Variants in FAT3 observed in about 807,000 individuals in gnomAD.
FAT3 encodes the protein protocadherin Fat 3.
A neutral mutation model predicts 310.2 loss-of-function variants in FAT3; 95 were observed. That is an observed-to-expected ratio of 0.31 (90% CI 0.26 to 0.36). FAT3 has a LOEUF of 0.36. Ranked by LOEUF, FAT3 falls within the 10% of genes least tolerant of loss-of-function variation. The pLI is 1.00. For missense variants in FAT3, 5,408 were observed against 5,715.6 expected (o/e 0.95, Z 1.74); for synonymous variants, 2,314 against 2,192.9 (o/e 1.06, Z -1.54).
At chr11:92,605,637 T>C (rs1940241323) in intron 3 of FAT3, among the ~76,000 whole-genome samples, 1 of 151,456 alleles carries the variant, frequency 6.6e-6, no homozygotes, top group Admixed American at 6.6e-5. Flanking sequence ...ATAATAATAG[T>C]TAAAATCACT....
At chr11:92,323,827 T>A (rs1947692841) in intron 1 of FAT3, among the ~76,000 whole-genome samples, 2 of 152,236 alleles carry the variant, frequency 1.3e-5, no homozygotes, top group South Asian at 4.1e-4. Flanking sequence ...CTTTTGAAGC[T>A]TTGAAGTCTG....
chr11:92,663,544 T>A (rs1241956334), intron 3 of FAT3, among the ~76,000 whole-genome samples: 1 of 152,202 alleles, frequency 6.6e-6, no homozygotes, highest in Non-Finnish European at 1.5e-5. Flanking sequence ...AAATCTTACA[T>A]CTGGCATGTC....
chr11:92,337,961 AT>A (rs955058890), intron 1 of FAT3, among the ~76,000 whole-genome samples: 1 of 151,822 alleles, frequency 6.6e-6, no homozygotes, highest in Non-Finnish European at 1.5e-5. Flanking sequence ...TCTTCTTTAG[AT>A]TTTTTTTTAA....
intron 1 of FAT3, among the ~76,000 whole-genome samples, chr11:92,342,058 C>T (rs192512935): frequency 1.3e-5 from 2 of 152,160 alleles, no homozygotes; most frequent in Admixed American, 1.3e-4. Flanking sequence ...AATAGACAAG[C>T]ACTTACAAAA....
intron 3 of FAT3, among the ~76,000 whole-genome samples, chr11:92,545,789 G>C (rs1244718956): frequency 6.6e-6 from 1 of 152,198 alleles, no homozygotes; most frequent in African/African-American, 2.4e-5. Context: ...ATCTATTTAA[G>C]ACAGCGTTAT....
At chr11:92,265,166 A>G (rs940539177) in intron 1 of FAT3, among the ~76,000 whole-genome samples, 20 of 152,100 alleles carry the variant, frequency 1.3e-4, no homozygotes, top group East Asian at 2.0e-4. Flanking sequence ...AGCTGTAGCC[A>G]GTTCACTTAT....
At chr11:92,631,791 G>A (rs1000311943) in intron 3 of FAT3, among the ~76,000 whole-genome samples, 5 of 152,060 alleles carry the variant, frequency 3.3e-5, no homozygotes, top group African/African-American at 1.2e-4. Context: ...GTAAACCAGA[G>A]ACAAGCAGAA....
At chr11:92,583,024 T>G (rs911771683) in intron 3 of FAT3, among the ~76,000 whole-genome samples, 2 of 152,044 alleles carry the variant, frequency 1.3e-5, no homozygotes, top group African/African-American at 4.8e-5. Flanking sequence ...CCTGTAAATA[T>G]TGGTTTCCTT....
rs559211348 is a variant in FAT3 at position 92,628,986 on chromosome 11, C to T, written c.3608-68398C>T. ...TTTTTGAAGGGAGTAGTGCATTAAGCTTTCTTTTCATAATGTGGTAGAACT... is the reference window on the plus strand; with the variant it reads ...TTTTTGAAGGGAGTAGTGCATTAAGTTTTCTTTTCATAATGTGGTAGAACT... On this transcript the variant is annotated intron_variant, in intron 3 of 27. Transcript: ENST00000525166. 1.2e-4 allele frequency among the ~76,000 whole-genome samples: 19 copies of T among 152,332 alleles called. No homozygotes were observed. The South Asian group carries it at 3.7e-3, about 30-fold the overall frequency.
intron 4 of FAT3, among the ~76,000 whole-genome samples, chr11:92,699,447 A>C (rs1294338717): frequency 6.6e-6 from 1 of 152,232 alleles, no homozygotes; most frequent in Non-Finnish European, 1.5e-5. Context: ...GAATGTATTA[A>C]ATTATCACAT....
At chr11:92,271,189 G>A (rs976045178) in intron 1 of FAT3, among the ~76,000 whole-genome samples, 1 of 152,032 alleles carries the variant, frequency 6.6e-6, no homozygotes, top group African/African-American at 2.4e-5. Context: ...GGCTTCCCAT[G>A]AAGACCAGTG....
At chr11:92,268,664 C>G (rs1396372474) in intron 1 of FAT3, among the ~76,000 whole-genome samples, 1 of 152,078 alleles carries the variant, frequency 6.6e-6, no homozygotes, top group African/African-American at 2.4e-5. Flanking sequence ...CTTTTCCATT[C>G]AGATGATAAT....
chr11:92,693,341 C>T (rs1003531112), intron 3 of FAT3, among the ~76,000 whole-genome samples: 6 of 152,148 alleles, frequency 3.9e-5, no homozygotes, highest in African/African-American at 1.4e-4. Flanking sequence ...TTACTGTGCC[C>T]AGTGGGTCTA....
Position 92,882,952 on chromosome 11 carries a change from T to C in FAT3, c.12496T>C (p.Phe4166Leu), listed in dbSNP as rs1459399337. The C allele has an allele frequency of 1.2e-6, 2 of 1,613,724 alleles. No individual in the cohort carries two copies. Among genetic ancestry groups the C allele is most frequent in the African/African-American group, 2.7e-5 (2 of 75,068 alleles). ...IGIAVVLFVI[F>L]ILVVLFIVFR... ...CATCGCCGTGGTCCTCTTCGTCATC[T>C]TCATCCTGGTGGTTCTCTTCATAGT... The change falls in exon 24 of 28, where the codon TTC becomes CTC. Residue 4166 changes from phenylalanine (F) to leucine (L), a missense_variant. Transcript: ENST00000525166.
At chr11:92,715,585 G>A (rs760117631) in intron 4 of FAT3, among the ~76,000 whole-genome samples, 16 of 151,424 alleles carry the variant, frequency 1.1e-4, no homozygotes, top group African/African-American at 2.2e-4. Context: ...ACACACACAC[G>A]TACTTCCAGC....
At chr11:92,311,049 TAC>T (rs1024088708) in intron 1 of FAT3, among the ~76,000 whole-genome samples, 20 of 151,870 alleles carry the variant, frequency 1.3e-4, no homozygotes, top group African/African-American at 4.6e-4. Flanking sequence ...CACATATATA[TAC>T]ACACACATAT....
intron 1 of FAT3, among the ~76,000 whole-genome samples, chr11:92,284,926 A>T (rs1946520915): frequency 6.6e-6 from 1 of 152,186 alleles, no homozygotes; most frequent in Admixed American, 6.5e-5. Flanking sequence ...TACCTCAGGG[A>T]CATCAGAAAC....
chr11:92,307,664 A>G (rs1591083949), intron 1 of FAT3, among the ~76,000 whole-genome samples: 2 of 152,270 alleles, frequency 1.3e-5, no homozygotes, highest in African/African-American at 4.8e-5. Context: ...ACCTTGTACA[A>G]GACCTCACAA....
chr11:92,483,615 C>A (rs1952295498), intron 2 of FAT3, among the ~76,000 whole-genome samples: 1 of 152,044 alleles, frequency 6.6e-6, no homozygotes, highest in Non-Finnish European at 1.5e-5. Context: ...TTCCTCTATC[C>A]TTTTTTCCAT....
Sources: allele counts gnomAD v4.1 joint callset (sites outside exome capture counted in the v4.1 genomes callset), GRCh38; gene constraint gnomAD v4.1.1; transcripts MANE v1.5; gene names NCBI Gene and HGNC (gene_info 2026-07-23, HGNC 2026-07-21).